ZNF479: variants seen among roughly 807,000 people sequenced by gnomAD.
ZNF479 encodes the protein KRAB zinc finger protein KR19.
Under a neutral mutation model 14.7 loss-of-function variants are expected in ZNF479, and 15 were observed. The ratio of observed to expected loss-of-function variants is 1.02; its 90% CI spans 0.68 to 1.57. The LOEUF (loss-of-function observed/expected upper bound fraction) is 1.57, where lower values mean the gene tolerates loss of function less well. ZNF479 is among the 40% of genes most tolerant of loss of function. ZNF479 has a pLI of 0.00. For missense variants in ZNF479, 506 were observed against 615.1 expected, an observed-to-expected ratio of 0.82 and a Z score of 1.88; for synonymous variants, 145 against 211.5, an observed-to-expected ratio of 0.69 and a Z score of 2.73.
rs1218461660 is a variant in ZNF479, at chr7:57,117,849, AT to A, written c.*1990del. Among the ~76,000 whole-genome samples, 1 of 152,252 alleles carries A rather than the reference AT, an allele frequency of 6.6e-6. No individual in the cohort carries two copies. Among genetic ancestry groups the A allele is most frequent in the South Asian group, 2.1e-4 (1 of 4,836 alleles). On this transcript the variant is annotated 3_prime_UTR_variant, in exon 4 of 4. Coordinates refer to ENST00000319636, the MANE Select transcript of ZNF479 (RefSeq NM_001370129.2). ...CATTATTATTTGCTGTTCAGAAACTATTTTTTTATAGAAGAAAGAAGCATAC... is the reference window on the plus strand; with the variant it reads ...CATTATTATTTGCTGTTCAGAAACTATTTTTTATAGAAGAAAGAAGCATAC...
In ZNF479 at chr7:57,120,258, C is replaced by T. The variant is rs1554399961; in HGVS notation, c.1157G>A (p.Cys386Tyr). Residue 386 changes from cysteine (C) to tyrosine (Y), a missense_variant, in exon 4 of 4, where the codon TGT becomes TAT. By Grantham distance (194) the Cys-to-Tyr change is radical. This residue lies in a region of ZNF479 where 420 missense variants were observed against 474.2 expected (regional missense o/e 0.89). Transcript: ENST00000319636. ...TGEKPYTCEECGQDFRRSSAL... is the reference protein window; with the variant it reads ...TGEKPYTCEEYGQDFRRSSAL... ...TGAGGAGCGCCTAAAGTCTTGGCCACATTCTTCACATGTGTAGGGTTTCTC... is the reference window on the plus strand; with the variant it reads ...TGAGGAGCGCCTAAAGTCTTGGCCATATTCTTCACATGTGTAGGGTTTCTC... 2 of 1,612,666 alleles carry T rather than the reference C, an allele frequency of 1.2e-6. No individual in the cohort carries two copies. The highest frequency in any genetic ancestry group is 1.7e-6 in the Non-Finnish European group (2 of 1,179,606).
Position 57,120,202 on chromosome 7 carries a change from C to T in ZNF479, c.1213G>A (p.Gly405Arg). 2 of 1,611,626 alleles carry T rather than the reference C, an allele frequency of 1.2e-6. No individual in the cohort carries two copies. The highest frequency in any genetic ancestry group is 1.7e-4 in the Middle Eastern group (1 of 6,040). ...ALTIHKRIHTGERPYKCEECG... is the reference protein window; with the variant it reads ...ALTIHKRIHTRERPYKCEECG... Reference sequence around the variant, plus strand: ...TCTTCACATTTGTAGGGTCTCTCTCCAGTATGAATTCTCTTGTGGATAGTA... The same window carrying T: ...TCTTCACATTTGTAGGGTCTCTCTCTAGTATGAATTCTCTTGTGGATAGTA... Residue 405 changes from glycine (G) to arginine (R), a missense_variant, in exon 4 of 4, where the codon GGA becomes AGA. By Grantham distance (125) the Gly-to-Arg change is moderately radical. Coordinates refer to ENST00000319636, the MANE Select transcript of ZNF479 (RefSeq NM_001370129.2).
upstream of ZNF479, among the ~76,000 whole-genome samples, chr7:57,135,316 G>A (rs189570030): frequency 6.6e-6 from 1 of 152,278 alleles, no homozygotes; most frequent in African/African-American, 2.4e-5. Context: ...CTAAAATTTA[G>A]GGGGTTAGAG....
At chr7:57,135,534 T>C (rs1786608330), upstream of ZNF479, among the ~76,000 whole-genome samples, 1 of 152,114 alleles carries the variant, frequency 6.6e-6, no homozygotes, top group Admixed American at 6.5e-5. Flanking sequence ...TTCCTCAGCT[T>C]CCCAAGTAGC....
At chr7:57,123,375 G>A (rs996304344) in intron 3 of ZNF479, among the ~76,000 whole-genome samples, 2 of 152,190 alleles carry the variant, frequency 1.3e-5, no homozygotes, top group African/African-American at 4.8e-5. Flanking sequence ...CAATCCAACA[G>A]TGGAGATTAC....
chr7:57,121,398 G>A (rs78745029), intron 3 of ZNF479, among the ~76,000 whole-genome samples: 171 of 152,248 alleles, frequency 1.1e-3, no homozygotes, highest in African/African-American at 4.0e-3. Context: ...GCCATATAGA[G>A]AGAAAAGAAA....
At chr7:57,128,237 C>A (rs1176487169) in intron 1 of ZNF479, among the ~76,000 whole-genome samples, 1 of 152,088 alleles carries the variant, frequency 6.6e-6, no homozygotes, top group African/African-American at 2.4e-5. Context: ...TTGTGTCTGG[C>A]CTAAATTTAA....
chr7:57,126,500 A>C (rs1786173151), intron 2 of ZNF479, 92 bp downstream of exon 2: 1 of 1,219,252 alleles, frequency 8.2e-7, no homozygotes, highest in African/African-American at 1.5e-5. Context: ...TTGGAGATCT[A>C]AAATTCATTC....
At position 57,120,003 on chromosome 7, in the gene ZNF479, C is replaced by A. The variant is rs1554399821; in HGVS notation, c.1412G>T (p.Gly471Val). The A allele has an allele frequency of 2.5e-6, 4 of 1,613,270 alleles. No individual in the cohort carries two copies. In the African/African-American group the frequency reaches 5.3e-5, roughly 22 times the overall value. Residue 471 changes from glycine (G) to valine (V), a missense_variant, in exon 4 of 4, where the codon GGC becomes GTC. This residue lies in a region of ZNF479 where 72 missense variants were observed against 97.6 expected (regional missense o/e 0.74). Coordinates refer to ENST00000319636, the MANE Select transcript of ZNF479 (RefSeq NM_001370129.2). ...GERPYTCEECGKAFNCSSTLM... is the reference protein window; with the variant it reads ...GERPYTCEECVKAFNCSSTLM... ...GGTTGAGGAGCAATTAAAGGCTTTG[C>A]CACATTCTTCACATGTGTAGGGTCT...
upstream of ZNF479, among the ~76,000 whole-genome samples, chr7:57,133,873 A>G (rs1786535757): frequency 6.6e-6 from 1 of 152,236 alleles, no homozygotes; most frequent in Non-Finnish European, 1.5e-5. Context: ...AAAATAAAAA[A>G]GAAAGAAACA....
Position 57,120,420 on chromosome 7 carries a change from T to C in ZNF479, c.995A>G (p.Lys332Arg). The change falls in exon 4 of 4, where the codon AAA becomes AGA. Residue 332 changes from lysine (K) to arginine (R), a missense_variant. Lys to Arg is a conservative substitution (Grantham distance 26, BLOSUM62 2). Coordinates refer to ENST00000319636, the MANE Select transcript of ZNF479 (RefSeq NM_001370129.2). ...AAGGTTTGAGGACCAGCTAAAGGCTTTGCCACATTCCTCACACCTGCAGGG... is the reference window on the plus strand; with the variant it reads ...AAGGTTTGAGGACCAGCTAAAGGCTCTGCCACATTCCTCACACCTGCAGGG... ...EKPCRCEECGKAFSWSSNLTR... is the reference protein window; with the variant it reads ...EKPCRCEECGRAFSWSSNLTR... 3 of 1,613,176 alleles carry C rather than the reference T, an allele frequency of 1.9e-6. No homozygotes were observed. Among genetic ancestry groups the C allele is most frequent in the Non-Finnish European group, 2.5e-6 (3 of 1,179,646 alleles).
At chr7:57,132,095 C>T (rs1309623751) in intron 1 of ZNF479, among the ~76,000 whole-genome samples, 191 bp downstream of exon 1, 1 of 152,148 alleles carries the variant, frequency 6.6e-6, no homozygotes, top group African/African-American at 2.4e-5. Flanking sequence ...GACAAAAACC[C>T]CAGGGTGCCA....
At chr7:57,125,095 G>A (rs1468330863) in intron 3 of ZNF479, among the ~76,000 whole-genome samples, 1 of 152,094 alleles carries the variant, frequency 6.6e-6, no homozygotes, top group Non-Finnish European at 1.5e-5. Flanking sequence ...ATGGAAAAAT[G>A]ATTAAACTAA....
At chr7:57,122,036 TA>T (rs1215538012) in intron 3 of ZNF479, among the ~76,000 whole-genome samples, 2 of 151,844 alleles carry the variant, frequency 1.3e-5, no homozygotes, top group Non-Finnish European at 2.9e-5. Flanking sequence ...AAAAAGTATG[TA>T]AAAAATGAAG....
At chr7:57,133,022 T>C (rs1356039232), upstream of ZNF479, among the ~76,000 whole-genome samples, 3 of 152,116 alleles carry the variant, frequency 2.0e-5, no homozygotes, top group African/African-American at 4.8e-5. Flanking sequence ...TAGTCCCGGC[T>C]ACTCGGGAGA....
chr7:57,128,591 G>A lies in ZNF479; in HGVS notation c.40-1873C>T, dbSNP rs189653542. Among the ~76,000 whole-genome samples the A allele has an allele frequency of 2.2e-4, 33 of 152,252 alleles. No homozygotes were observed. In the East Asian group the frequency reaches 4.8e-3, roughly 22 times the overall value. On this transcript the variant is annotated intron_variant, in intron 1 of 3. Transcript: ENST00000319636. Reference sequence around the variant, plus strand: ...CTACAATGGGAACATTTTAAATATCGTAGGTCATAAATTTGTTCTAAGAAT... The same window carrying A: ...CTACAATGGGAACATTTTAAATATCATAGGTCATAAATTTGTTCTAAGAAT...
Position 57,123,547 on chromosome 7 carries a change from A to T in ZNF479, c.263-2395T>A, listed in dbSNP as rs148692562. On this transcript the variant is annotated intron_variant, in intron 3 of 3. Coordinates refer to ENST00000319636, the MANE Select transcript of ZNF479 (RefSeq NM_001370129.2). ...CACATAAGTCTTGGTAAATTTCAAA[A>T]GATCAGCCAGGTGCAGTGGCTCACA... Among the ~76,000 whole-genome samples the T allele has an allele frequency of 2.1e-3, 318 of 152,266 alleles. 2 individuals are homozygous for T. The highest frequency in any genetic ancestry group is 7.4e-3 in the African/African-American group (307 of 41,528).
intron 1 of ZNF479, among the ~76,000 whole-genome samples, chr7:57,127,096 C>G (rs1056838262): frequency 1.4e-5 from 2 of 144,388 alleles, no homozygotes; most frequent in Non-Finnish European, 3.0e-5. Flanking sequence ...GATCTTGGCT[C>G]AGTGCAACCT....
At chr7:57,128,368 A>G (rs183741404) in intron 1 of ZNF479, among the ~76,000 whole-genome samples, 26 of 152,302 alleles carry the variant, frequency 1.7e-4, no homozygotes, top group Admixed American at 1.6e-3. Context: ...GTATCTCCTA[A>G]CAGTTTTTTC....
Sources: gnomAD v4.1 joint callset for allele counts (sites outside exome capture counted in the v4.1 genomes callset) on GRCh38, gnomAD v4.1.1 for gene constraint, gnomAD v4.1.1 regional missense constraint, MANE v1.5 for transcripts, NCBI Gene and HGNC (gene_info 2026-07-23, HGNC 2026-07-21) for gene names.